The following CCND3 variants were observed in gnomAD, a reference collection of about 807,000 sequenced individuals.
The protein encoded by CCND3 is cyclin D3, also known as G1/S-specific cyclin-D3.
Under a neutral mutation model 28.7 loss-of-function variants are expected in CCND3, and 9 were observed. The observed-to-expected ratio is 0.31, with a 90% CI of 0.19 to 0.55. The LOEUF is 0.55. Among genes scored for constraint, CCND3 ranks in the 20% least tolerant of loss-of-function variants. The pLI is 0.93. For missense variants in CCND3, 315 were observed against 385.8 expected (o/e 0.82, Z 1.54); for synonymous variants, 164 against 163.9 (o/e 1.00, Z 0.00).
intron 1 of CCND3, among the ~76,000 whole-genome samples, chr6:42,005,668 G>A (rs1221937138): frequency 1.3e-5 from 2 of 151,266 alleles, no homozygotes; most frequent in East Asian, 1.9e-4. Flanking sequence ...GATAACCCTC[G>A]GCAACATGGT....
upstream of CCND3, among the ~76,000 whole-genome samples, chr6:42,049,197 G>C (rs1305170261): frequency 6.6e-6 from 1 of 152,034 alleles, no homozygotes; most frequent in Admixed American, 6.6e-5. Context: ...CGCCACGCCC[G>C]GCTAATTTTG....
chr6:41,975,347 G>T (rs760818770), intron 1 of CCND3, among the ~76,000 whole-genome samples: 33 of 152,130 alleles, frequency 2.2e-4, no homozygotes, highest in Non-Finnish European at 4.1e-4. Context: ...GTGGCTGCAT[G>T]GGTGGTGCAA....
At chr6:41,978,633 G>A (rs1310180583) in intron 1 of CCND3, among the ~76,000 whole-genome samples, 2 of 152,070 alleles carry the variant, frequency 1.3e-5, no homozygotes, top group Non-Finnish European at 2.9e-5. Context: ...GAGGTGTTGG[G>A]GGAAGTGTGG....
intron 1 of CCND3, among the ~76,000 whole-genome samples, chr6:41,979,533 C>CAAA (rs767526428): frequency 1.0e-5 from 1 of 96,988 alleles, no homozygotes; most frequent in Non-Finnish European, 2.1e-5. Context: ...GACTCCACTT[C>CAAA]AAAAAAAAAA....
intron 1 of CCND3, among the ~76,000 whole-genome samples, chr6:41,991,016 T>G (rs562231373): frequency 6.6e-6 from 1 of 150,540 alleles, no homozygotes; most frequent in Admixed American, 6.6e-5. Context: ...CCAAGAACAC[T>G]CACTGGGGAA....
chr6:42,036,403 ATTTTT>A lies in CCND3; in HGVS notation c.-46+12093_-46+12097del, dbSNP rs57849655. 3.8e-3 allele frequency among the ~76,000 whole-genome samples: 120 copies of A among 31,302 alleles called. 1 individual carries two copies. Among genetic ancestry groups the A allele is most frequent in the African/African-American group, 0.017 (116 of 6,892 alleles). 20.5% of individuals were successfully genotyped at this position (31,302 alleles called of 152,430 possible). ...TATATATATATATATATATATATATATTTTTTTTTTTTTTTTTTTTTTTTGACACA... is the reference window on the plus strand; with the variant it reads ...TATATATATATATATATATATATATATTTTTTTTTTTTTTTTTTTGACACA... On this transcript the variant is annotated intron_variant, in intron 1 of 4. Coordinates refer to the CCND3 transcript ENST00000372988.
chr6:42,044,251 G>A (rs1243050047), intron 1 of CCND3, among the ~76,000 whole-genome samples: 1 of 152,264 alleles, frequency 6.6e-6, no homozygotes, highest in Non-Finnish European at 1.5e-5. Context: ...ATCAAAAGCA[G>A]TTCTCTGGGC....
At chr6:42,033,457 A>AAT (rs1554168068) in intron 1 of CCND3, among the ~76,000 whole-genome samples, 7 of 141,828 alleles carry the variant, frequency 4.9e-5, no homozygotes, top group East Asian at 2.0e-4. Flanking sequence ...CTAAAAAAAA[A>AAT]ATATATATAT....
At chr6:41,984,461 C>G (rs922373929) in intron 1 of CCND3, among the ~76,000 whole-genome samples, 6 of 152,150 alleles carry the variant, frequency 3.9e-5, no homozygotes, top group African/African-American at 1.4e-4. Flanking sequence ...ATTCTCCTCT[C>G]TCAGCCTCCT....
chr6:41,991,229 T>C (rs937282450), intron 1 of CCND3, among the ~76,000 whole-genome samples: 2 of 151,570 alleles, frequency 1.3e-5, no homozygotes, highest in African/African-American at 2.4e-5. Context: ...CGGCTAATTT[T>C]TGTATTTTTA....
In CCND3 at chr6:41,936,036, G is replaced by A. The variant is rs754668264; in HGVS notation, c.783C>T (p.Thr261=). Residue 261 remains threonine (T), a synonymous_variant, in exon 5 of 5, where the codon ACC becomes ACT. Transcript: ENST00000372991. This position sits in a 1 kb window ranked among gnomAD's most constrained non-coding sequence, Gnocchi z 4.4. ...LRESLREASQ[T]SSSPAPKAPR... The stretch of plus-strand genomic sequence containing the variant: ...GGGCTTTGGGCGCTGGGCTGGAGCT[G>A]GTCTGAGAGGCTTCCCTGAGGCTCT... The A allele has an allele frequency of 3.5e-5, 57 of 1,613,404 alleles. No individual in the cohort carries two copies. In the South Asian group the frequency reaches 6.3e-4, roughly 18 times the overall value.
At position 41,941,498 on chromosome 6, in the gene CCND3, T is replaced by C. The variant is rs1259065453; in HGVS notation, c.152A>G (p.Glu51Gly). ...CATCTTCCGCATGTGCGGCTTGATCTCCCGCTGCACGCACTGGAAGTAGGA... is the reference window on the plus strand; with the variant it reads ...CATCTTCCGCATGTGCGGCTTGATCCCCCGCTGCACGCACTGGAAGTAGGA... The part of the protein sequence containing the change: ...RASYFQCVQR[E>G]IKPHMRKMLA... Residue 51 changes from glutamate (E) to glycine (G), a missense_variant, in exon 1 of 5, where the codon GAG becomes GGG. By Grantham distance (98) the Glu-to-Gly change is moderately conservative. Transcript: ENST00000372991. This position sits in a 1 kb window ranked among gnomAD's most constrained non-coding sequence, Gnocchi z 6.1. 2 of 1,608,318 alleles carry C rather than the reference T, an allele frequency of 1.2e-6. No individual in the cohort carries two copies. The highest frequency in any genetic ancestry group is 2.7e-5 in the African/African-American group (2 of 74,582).
chr6:41,948,411 C>T (rs971937968), intron 1 of CCND3, among the ~76,000 whole-genome samples: 1 of 151,734 alleles, frequency 6.6e-6, no homozygotes, highest in Non-Finnish European at 1.5e-5. Flanking sequence ...TAACGACTCA[C>T]TGCAGCCTCT....
At chr6:42,027,896 T>C (rs548072877) in intron 1 of CCND3, among the ~76,000 whole-genome samples, 19 of 152,220 alleles carry the variant, frequency 1.2e-4, no homozygotes, top group Non-Finnish European at 2.1e-4. Flanking sequence ...TACAGGCTCC[T>C]GCCACCACAC....
Position 41,936,956 on chromosome 6 carries a change from G to A in CCND3, c.575-261C>T, listed in dbSNP as rs918925638. The A allele has an allele frequency of 9.4e-5, 56 of 594,216 alleles. No individual in the cohort carries two copies. Among genetic ancestry groups the A allele is most frequent in the Non-Finnish European group, 1.5e-4 (50 of 336,334 alleles). 36.8% of individuals were successfully genotyped at this position (594,216 alleles called of 1,614,324 possible). ...CTCCCTAGTATGGGAACACAACTAGGGCCAAGAGACTGGGGTTCTGTTCCC... is the reference window on the plus strand; with the variant it reads ...CTCCCTAGTATGGGAACACAACTAGAGCCAAGAGACTGGGGTTCTGTTCCC... On this transcript the variant is annotated intron_variant, in intron 3 of 4. Coordinates refer to ENST00000372991, the MANE Select transcript of CCND3 (RefSeq NM_001760.5). The surrounding 1 kb of genome is among the most constrained non-coding windows in gnomAD (Gnocchi z 4.4).
At chr6:41,982,069 A>G (rs886516421) in intron 1 of CCND3, among the ~76,000 whole-genome samples, 3 of 151,848 alleles carry the variant, frequency 2.0e-5, no homozygotes, top group South Asian at 4.2e-4. Context: ...CAGGAGTTCG[A>G]GACCAACATG....
chr6:42,018,507 G>A (rs1321435433), intron 1 of CCND3: 1 of 152,158 alleles, frequency 6.6e-6, no homozygotes, highest in Non-Finnish European at 1.5e-5. Flanking sequence ...TGCTGCGAAA[G>A]TGAGCACCTG....
Position 42,048,883 on chromosome 6 carries a change from C to T in CCND3, c.-428G>A, listed in dbSNP as rs898254455. The T allele has an allele frequency of 6.6e-6, 2 of 301,788 alleles. No individual in the cohort carries two copies. The highest frequency in any genetic ancestry group is 1.1e-4 in the Admixed American group (2 of 17,454). 18.7% of individuals were successfully genotyped at this position (301,788 alleles called of 1,614,324 possible). A position where few individuals can be genotyped will look rare whatever the true frequency, so the allele number is the denominator to read the frequency against. ...ACCCCCGCCCGCAGCCCCCGCCCCA[C>T]GCGGCATAGGTGCGGGGGCGGGGCG... On this transcript the variant is annotated 5_prime_UTR_variant, in exon 1 of 5. Coordinates refer to the CCND3 transcript ENST00000372988. The surrounding 1 kb of genome is among the most constrained non-coding windows in gnomAD (Gnocchi z 4.7).
intron 1 of CCND3, among the ~76,000 whole-genome samples, chr6:41,949,816 C>T (rs1001923479): frequency 3.3e-5 from 5 of 151,206 alleles, no homozygotes; most frequent in African/African-American, 7.3e-5. Context: ...CCTACAGGGC[C>T]GGGTGTGGTG....
Sources: gnomAD v4.1 joint callset for allele counts (sites outside exome capture counted in the v4.1 genomes callset) on GRCh38, gnomAD v4.1.1 for gene constraint, Gnocchi (gnomAD v3.1) non-coding constraint, MANE v1.5 for transcripts, NCBI Gene and HGNC (gene_info 2026-07-23, HGNC 2026-07-21) for gene names.